The following A2ML1 variants were observed in gnomAD, a reference collection of about 807,000 sequenced individuals.
The protein encoded by A2ML1 is alpha-2-macroglobulin like 1.
A2ML1 carries 161 observed loss-of-function variants against 181.9 expected under a neutral mutation model. The ratio of observed to expected loss-of-function variants is 0.89; its 90% CI spans 0.78 to 1.01. The LOEUF (loss-of-function observed/expected upper bound fraction) is 1.01, where lower values mean the gene tolerates loss of function less well. Among genes scored for constraint, A2ML1 ranks in the 50% least tolerant of loss-of-function variants. A2ML1 has a pLI of 0.00. For missense variants in A2ML1, 1,670 were observed against 1,768.1 expected (o/e 0.94, Z 1.00); for synonymous variants, 663 against 666.8 (o/e 0.99, Z 0.09).
chr12:8,844,724 A>G (rs1338746983), intron 12 of A2ML1, among the ~76,000 whole-genome samples: 1 of 152,112 alleles, frequency 6.6e-6, no homozygotes, highest in African/African-American at 2.4e-5. Context: ...TCATCCTAAT[A>G]CAACGAAAAG....
chr12:8,837,613 G>A, intron 8 of A2ML1, 47 bp downstream of exon 8: 3 of 1,567,398 alleles, frequency 1.9e-6, no homozygotes, highest in Non-Finnish European at 2.6e-6. Context: ...CAGGCACGGT[G>A]GCTCACGCCT....
chr12:8,836,980 G>A (rs1310374429), intron 7 of A2ML1, among the ~76,000 whole-genome samples: 2 of 152,178 alleles, frequency 1.3e-5, no homozygotes, highest in African/African-American at 4.8e-5. Flanking sequence ...GAGTAAAGTA[G>A]GGAAGGGGAA....
Position 8,852,397 on chromosome 12 carries a change from C to T in A2ML1, c.2590+61C>T. On this transcript the variant is annotated intron_variant, in intron 20 of 35. Coordinates refer to ENST00000299698, the MANE Select transcript of A2ML1 (RefSeq NM_144670.6). The surrounding 1 kb of genome is among the most constrained non-coding windows in gnomAD (Gnocchi z 4.2). ...CAGCAGCAGAAGACCAGTGACTGAG[C>T]ACTCAGTCTTTTCCTCTGCCACATC... The T allele has an allele frequency of 6.2e-7, 1 of 1,601,908 alleles. No homozygotes were observed. The highest frequency in any genetic ancestry group is 1.7e-5 in the Admixed American group (1 of 59,366).
chr12:8,857,773 C>G (rs1253665148), intron 25 of A2ML1, 173 bp from the exon 26 acceptor site: 1 of 1,112,336 alleles, frequency 9.0e-7, no homozygotes, highest in African/African-American at 1.6e-5. Flanking sequence ...GCTTGTGCCT[C>G]CCCTGTTCTT....
chr12:8,833,174 T>G (rs1943172112), intron 4 of A2ML1, among the ~76,000 whole-genome samples: 2 of 152,116 alleles, frequency 1.3e-5, no homozygotes, highest in Non-Finnish European at 2.9e-5. Flanking sequence ...GGTTTTACCA[T>G]GTCGGTCAGG....
At chr12:8,849,226 C>T (rs765619538) in intron 16 of A2ML1, among the ~76,000 whole-genome samples, 9 of 152,104 alleles carry the variant, frequency 5.9e-5, no homozygotes, top group African/African-American at 1.2e-4. Context: ...ATTCTATGAG[C>T]AGGATTTGGG....
At chr12:8,881,989 C>A (rs765237026) in intron 7 of A2ML1, among the ~76,000 whole-genome samples, 1 of 149,234 alleles carries the variant, frequency 6.7e-6, no homozygotes, top group Non-Finnish European at 1.5e-5. Flanking sequence ...CCAGCCTGGG[C>A]GACAGAGCGA....
At chr12:8,847,845 G>C in intron 15 of A2ML1, 147 bp downstream of exon 15, 2 of 1,143,686 alleles carry the variant, frequency 1.7e-6, no homozygotes, top group South Asian at 3.4e-5. Flanking sequence ...AATGAAGTTA[G>C]AAAGTGTAAG....
At chr12:8,843,045 AAG>A in intron 11 of A2ML1, 87 bp from the exon 12 acceptor site, 1 of 1,129,316 alleles carries the variant, frequency 8.9e-7, no homozygotes, top group Non-Finnish European at 1.3e-6. Context: ...ATTTGAGAGA[AAG>A]AGCTCTATTT....
chr12:8,859,071 G>A (rs1318427978), intron 26 of A2ML1, among the ~76,000 whole-genome samples: 1 of 151,876 alleles, frequency 6.6e-6, no homozygotes, highest in Non-Finnish European at 1.5e-5. Context: ...GCTAATAAGT[G>A]GCAGGACTGA....
At chr12:8,826,861 C>T (rs1942945955) in intron 3 of A2ML1, among the ~76,000 whole-genome samples, 1 of 152,024 alleles carries the variant, frequency 6.6e-6, no homozygotes, top group South Asian at 2.1e-4. Context: ...TCAAGTTATC[C>T]TCCCCACTCA....
intron 33 of A2ML1, among the ~76,000 whole-genome samples, 176 bp from the exon 34 acceptor site, chr12:8,874,249 C>T (rs1408350949): frequency 6.6e-6 from 1 of 152,162 alleles, no homozygotes. Context: ...CTCCTGACCT[C>T]TGGTGATTCA....
intron 6 of A2ML1, among the ~76,000 whole-genome samples, chr12:8,835,906 G>T (rs887006055): frequency 6.6e-6 from 1 of 151,550 alleles, no homozygotes; most frequent in African/African-American, 2.4e-5. Context: ...TCAGCTACTC[G>T]GGAGGCTGAG....
Position 8,847,644 on chromosome 12 carries a change from G to A in A2ML1, c.1779G>A (p.Ala593=), listed in dbSNP as rs748962695. 1.1e-5 allele frequency: 18 copies of A among 1,613,754 alleles called. No individual in the cohort carries two copies. The highest frequency in any genetic ancestry group is 7.7e-5 in the South Asian group (7 of 91,022). Residue 593 remains alanine, a synonymous_variant, in exon 15 of 36, where the codon GCG becomes GCA. Coordinates refer to ENST00000299698, the MANE Select transcript of A2ML1 (RefSeq NM_144670.6). ...AAPGSLCALR[A]VDESVLLLRP... ...CCGGATCCCTGTGTGCGCTCCGGGC[G>A]GTGGATGAGAGTGTCTTACTGCTTA...
intron 3 of A2ML1, among the ~76,000 whole-genome samples, chr12:8,828,391 C>A (rs1184629300): frequency 2.0e-5 from 3 of 152,152 alleles, no homozygotes; most frequent in African/African-American, 7.2e-5. Flanking sequence ...CTACTCCAGG[C>A]CCACAGGAGT....
chr12:8,831,107 AC>A (rs1943098284), intron 4 of A2ML1, among the ~76,000 whole-genome samples: 1 of 151,330 alleles, frequency 6.6e-6, no homozygotes, highest in African/African-American at 2.4e-5. Context: ...GCACTACCAC[AC>A]CTGGCTAATT....
chr12:8,836,157 A>C, intron 6 of A2ML1, 98 bp from the exon 7 acceptor site: 1 of 918,552 alleles, frequency 1.1e-6, no homozygotes, highest in Non-Finnish European at 1.7e-6. Flanking sequence ...CATTAGATCC[A>C]TTAATTTAAT....
At chr12:8,842,662 G>A (rs867059303) in intron 11 of A2ML1, among the ~76,000 whole-genome samples, 2 of 152,148 alleles carry the variant, frequency 1.3e-5, no homozygotes, top group African/African-American at 2.4e-5. Context: ...TAATGAGATC[G>A]TTCAACCTCA....
In A2ML1 at chr12:8,861,187, C is replaced by T. The variant is rs7959680; in HGVS notation, c.3392C>T (p.Thr1131Met). The T allele has an allele frequency of 3.4e-3, 5,518 of 1,614,122 alleles. 89 individuals are homozygous for T. In the African/African-American group the frequency reaches 0.042, roughly 12 times the overall value. The stretch of plus-strand genomic sequence containing the variant: ...TGTCTCAAGAATTCGGCCACCTCCA[C>T]GACCAACCTCTACACACAGGCCCTG... ...LRCLKNSATSTTNLYTQALLA... is the reference protein window; with the variant it reads ...LRCLKNSATSMTNLYTQALLA... The change falls in exon 28 of 36, where the codon ACG becomes ATG. Residue 1131 changes from threonine (T) to methionine (M), a missense_variant. Physicochemically the swap from Thr to Met is moderately conservative, Grantham distance 81 (BLOSUM62 -1). Coordinates refer to ENST00000299698, the MANE Select transcript of A2ML1 (RefSeq NM_144670.6).
Sources: allele counts gnomAD v4.1 joint callset (sites outside exome capture counted in the v4.1 genomes callset), GRCh38; gene constraint gnomAD v4.1.1; non-coding constraint Gnocchi (gnomAD v3.1); transcripts MANE v1.5; gene names NCBI Gene and HGNC (gene_info 2026-07-23, HGNC 2026-07-21).